SRPK2: variants seen among roughly 807,000 people sequenced by gnomAD.
SRPK2 encodes the protein SRSF protein kinase 2, also known as SFRS protein kinase 2.
Under a neutral mutation model 90.8 loss-of-function variants are expected in SRPK2, and 21 were observed. The observed-to-expected ratio is 0.23, with a 90% confidence interval of 0.16 to 0.33. The LOEUF (loss-of-function observed/expected upper bound fraction) is 0.33, where lower values mean the gene tolerates loss of function less well. SRPK2 is among the 10% of genes least tolerant of loss of function. The pLI, the probability that SRPK2 is intolerant of heterozygous loss-of-function variation, is 1.00. For missense variants in SRPK2, 620 were observed against 869.0 expected, an observed-to-expected ratio of 0.71 and a Z score of 3.60; for synonymous variants, 288 against 311.1, an observed-to-expected ratio of 0.93 and a Z score of 0.78.
chr7:105,286,136 C>G (rs764985154), intron 2 of SRPK2, among the ~76,000 whole-genome samples: 1 of 152,220 alleles, frequency 6.6e-6, no homozygotes, highest in Non-Finnish European at 1.5e-5. Context: ...TGTACCAAGA[C>G]AGTCTGTACA....
At chr7:105,219,143 G>A (rs867867427) in intron 2 of SRPK2, among the ~76,000 whole-genome samples, 2 of 151,996 alleles carry the variant, frequency 1.3e-5, no homozygotes, top group South Asian at 2.1e-4. Flanking sequence ...TGGAGTGGTC[G>A]GCGCATACTT....
intron 2 of SRPK2, among the ~76,000 whole-genome samples, chr7:105,385,158 C>T: frequency 7.1e-6 from 1 of 140,158 alleles, no homozygotes. Flanking sequence ...AGGCGTGAGC[C>T]ACCGCGCCCG....
intron 13 of SRPK2, among the ~76,000 whole-genome samples, chr7:105,130,684 C>A (rs532340409): frequency 6.6e-6 from 1 of 151,112 alleles, no homozygotes; most frequent in East Asian, 1.9e-4. Flanking sequence ...TACAACAGAA[C>A]GATGAGGTAA....
chr7:105,384,139 AAAAT>A lies in SRPK2; in HGVS notation c.71+4505_71+4508del, dbSNP rs1158927527. 2.6e-5 allele frequency among the ~76,000 whole-genome samples: 4 copies of A among 152,364 alleles called. No homozygotes were observed. The South Asian group carries it at 6.2e-4, about 24-fold the overall frequency. Reference sequence around the variant, plus strand: ...CTATATCCCAATAAAAGTTATGAAAAAAATAAATGAAAGAGATATTTTAAAAATT... The same window carrying A: ...CTATATCCCAATAAAAGTTATGAAAAAAATGAAAGAGATATTTTAAAAATT... On this transcript the variant is annotated intron_variant, in intron 2 of 15. Coordinates refer to ENST00000393651, the MANE Select transcript of SRPK2 (RefSeq NM_182692.3).
intron 2 of SRPK2, among the ~76,000 whole-genome samples, chr7:105,264,882 T>C (rs1804825258): frequency 6.6e-6 from 1 of 152,168 alleles, no homozygotes; most frequent in African/African-American, 2.4e-5. Flanking sequence ...TCCTCAGCCC[T>C]CCTTGGGTTT....
At chr7:105,200,162 C>T (rs1211681942) in intron 3 of SRPK2, among the ~76,000 whole-genome samples, 2 of 152,014 alleles carry the variant, frequency 1.3e-5, no homozygotes, top group East Asian at 1.9e-4. Flanking sequence ...GTTAACCAGG[C>T]GTGGTGGCAT....
Position 105,247,531 on chromosome 7 carries a change from A to AC in SRPK2, c.72-43747_72-43746insG, listed in dbSNP as rs1801851645. 1.5e-4 allele frequency among the ~76,000 whole-genome samples: 22 copies of AC among 145,264 alleles called. No homozygotes were observed. In the East Asian group the frequency reaches 1.8e-3, roughly 12 times the overall value. On this transcript the variant is annotated intron_variant, in intron 2 of 15. Transcript: ENST00000393651. The stretch of plus-strand genomic sequence containing the variant: ...ATACCAAAAAACACACACACACATA[A>AC]ACACACACACACACACACACACACA...
At chr7:105,132,148 G>A (rs976929038) in intron 13 of SRPK2, among the ~76,000 whole-genome samples, 1 of 152,218 alleles carries the variant, frequency 6.6e-6, no homozygotes, top group Non-Finnish European at 1.5e-5. Context: ...TGTGGAAGCC[G>A]TCATCTCAAC....
intron 2 of SRPK2, among the ~76,000 whole-genome samples, chr7:105,364,521 C>T (rs12705308): frequency 0.27 from 41,484 of 151,682 alleles, 6,184 homozygotes; most frequent in Middle Eastern, 0.34. Context: ...CTGCCTCAGC[C>T]TCCCAAGTAG....
chr7:105,331,884 C>T (rs1814460271), intron 2 of SRPK2, among the ~76,000 whole-genome samples: 1 of 152,168 alleles, frequency 6.6e-6, no homozygotes, highest in Non-Finnish European at 1.5e-5. Flanking sequence ...CTTGGCCAGG[C>T]ACAGTGGCTC....
At position 105,132,903 on chromosome 7, in the gene SRPK2, A is replaced by G. The variant is rs1426560319; in HGVS notation, c.1645-5T>C. On this transcript the variant is annotated splice_polypyrimidine_tract_variant and splice_region_variant and intron_variant, in intron 12 of 15. Coordinates refer to ENST00000393651, the MANE Select transcript of SRPK2 (RefSeq NM_182692.3). ...GTCTTCCGTGAAGTGTTTATGCTGG[A>G]AGGGAACAGGCTGCATTACCACGGA... 1.9e-6 allele frequency: 3 copies of G among 1,613,058 alleles called. No individual in the cohort carries two copies. Among genetic ancestry groups the G allele is most frequent in the Non-Finnish European group, 2.5e-6 (3 of 1,179,432 alleles).
intron 2 of SRPK2, among the ~76,000 whole-genome samples, chr7:105,278,332 G>C (rs1585497961): frequency 7.2e-6 from 1 of 138,614 alleles, no homozygotes; most frequent in Non-Finnish European, 1.6e-5. Context: ...AAAAAAAAAA[G>C]ATAATTATTT....
chr7:105,187,173 C>T (rs1793689769), intron 3 of SRPK2, among the ~76,000 whole-genome samples: 1 of 152,190 alleles, frequency 6.6e-6, no homozygotes, highest in Non-Finnish European at 1.5e-5. Context: ...ATTCTGCTCA[C>T]CACAACAGCT....
intron 3 of SRPK2, among the ~76,000 whole-genome samples, chr7:105,186,811 C>CT (rs1793638314): frequency 6.6e-6 from 1 of 152,116 alleles, no homozygotes; most frequent in African/African-American, 2.4e-5. Context: ...TTTGGGAACT[C>CT]TAAGTTGCCA....
intron 2 of SRPK2, among the ~76,000 whole-genome samples, chr7:105,220,903 CA>C (rs1798017585): frequency 6.6e-6 from 1 of 152,018 alleles, no homozygotes; most frequent in African/African-American, 2.4e-5. Flanking sequence ...AAAGTGGGGT[CA>C]GGGGCAGGAA....
chr7:105,158,918 C>T (rs944623422), intron 7 of SRPK2, among the ~76,000 whole-genome samples: 6 of 151,190 alleles, frequency 4.0e-5, no homozygotes, highest in South Asian at 2.1e-4. Flanking sequence ...TAATTTCTGC[C>T]CTCACCACAT....
chr7:105,170,090 T>C (rs1001420234), intron 3 of SRPK2, among the ~76,000 whole-genome samples: 1 of 152,140 alleles, frequency 6.6e-6, no homozygotes, highest in African/African-American at 2.4e-5. Context: ...GCTGGGATTA[T>C]AGGCATGAGC....
chr7:105,212,296 A>C (rs1796953820), intron 2 of SRPK2, among the ~76,000 whole-genome samples: 2 of 152,344 alleles, frequency 1.3e-5, no homozygotes, highest in South Asian at 2.1e-4. Context: ...ACAGATGCCC[A>C]GCACTGAGGG....
At chr7:105,307,629 A>G (rs10241415) in intron 2 of SRPK2, among the ~76,000 whole-genome samples, 108,767 of 152,136 alleles carry the variant, frequency 0.71, 39,298 homozygotes, top group African/African-American at 0.81. Flanking sequence ...AATGCCCCAC[A>G]GCTGTTAAAA....
Sources: allele counts gnomAD v4.1 joint callset (sites outside exome capture counted in the v4.1 genomes callset), GRCh38; gene constraint gnomAD v4.1.1; transcripts MANE v1.5; gene names NCBI Gene and HGNC (gene_info 2026-07-23, HGNC 2026-07-21).